Variants in LARGE1 observed in about 807,000 individuals in gnomAD.
LARGE1 encodes LARGE xylosyl- and glucuronyltransferase 1.
LARGE1 carries 43 observed loss-of-function variants against 87.6 expected under a neutral mutation model. The ratio of observed to expected loss-of-function variants is 0.49; its 90% CI spans 0.38 to 0.63. LARGE1 has a LOEUF of 0.63. Among genes scored for constraint, LARGE1 ranks in the 30% least tolerant of loss-of-function variants. The pLI, the probability that LARGE1 is intolerant of heterozygous loss-of-function variation, is 0.00. For missense variants in LARGE1, 802 were observed against 1,000.2 expected (o/e 0.80, Z 2.67); for synonymous variants, 434 against 394.6 (o/e 1.10, Z -1.18).
chr22:33,283,404 T>G, intron 12 of LARGE1, 56 bp from the exon 13 acceptor site: 1 of 1,602,252 alleles, frequency 6.2e-7, no homozygotes, highest in Non-Finnish European at 8.6e-7. Flanking sequence ...GGCCAAGGTC[T>G]TTCCCCCATG....
intron 2 of LARGE1, chr22:33,725,037 G>C (rs901187668): frequency 6.5e-6 from 1 of 152,974 alleles, no homozygotes; most frequent in African/African-American, 2.4e-5. Flanking sequence ...GGGATCCATG[G>C]AAAGAGCATT....
At position 33,224,267 on chromosome 22, in the gene LARGE1, A is replaced by G. The variant is rs578066753; in HGVS notation, c.1731-57435T>C. ...GGTGACAGAGCAAGACTCTGTCTCAAAAGAAAAAGAAAAGAAAAAAGAAAA... is the reference window on the plus strand; with the variant it reads ...GGTGACAGAGCAAGACTCTGTCTCAGAAGAAAAAGAAAAGAAAAAAGAAAA... On this transcript the variant is annotated intron_variant, in intron 11 of 11. Coordinates refer to the LARGE1 transcript ENST00000608642. Among the ~76,000 whole-genome samples the G allele has an allele frequency of 2.5e-4, 38 of 152,014 alleles. 2 individuals are homozygous for G. In the South Asian group the frequency reaches 7.7e-3, roughly 31 times the overall value.
chr22:33,501,216 T>C (rs1444112167), intron 6 of LARGE1, among the ~76,000 whole-genome samples: 1 of 152,224 alleles, frequency 6.6e-6, no homozygotes, highest in Non-Finnish European at 1.5e-5. Context: ...GAAGCTAATG[T>C]AGCTTTTCTT....
intron 3 of LARGE1, among the ~76,000 whole-genome samples, chr22:33,645,819 G>C (rs941870603): frequency 6.6e-6 from 1 of 152,062 alleles, no homozygotes; most frequent in Non-Finnish European, 1.5e-5. Flanking sequence ...ACACTTATAC[G>C]GCCAACAAAC....
At chr22:33,211,188 TC>T (rs1602098179) in intron 11 of LARGE1, among the ~76,000 whole-genome samples, 2 of 152,312 alleles carry the variant, frequency 1.3e-5, no homozygotes, top group Admixed American at 6.5e-5. Flanking sequence ...GAGAACTTAA[TC>T]TATAAATGTT....
At chr22:33,188,883 T>C (rs768530975) in intron 11 of LARGE1, among the ~76,000 whole-genome samples, 1 of 152,088 alleles carries the variant, frequency 6.6e-6, no homozygotes, top group Non-Finnish European at 1.5e-5. Flanking sequence ...CAAGGGCATC[T>C]CTCTATTGCC....
intron 4 of LARGE1, among the ~76,000 whole-genome samples, chr22:33,624,930 C>T (rs1459588987): frequency 6.6e-6 from 1 of 152,194 alleles, no homozygotes; most frequent in African/African-American, 2.4e-5. Context: ...TCGCAAAGCA[C>T]TGACTGCAGA....
chr22:33,364,884 G>A (rs1028773167), intron 9 of LARGE1, among the ~76,000 whole-genome samples: 21 of 151,740 alleles, frequency 1.4e-4, no homozygotes, highest in Admixed American at 1.4e-3. Context: ...TTGTAGAGAC[G>A]GGGGTCTTAC....
At chr22:33,187,921 CAAAAAAAAAAAAAAAAAAAAA>C (rs578115819) in intron 11 of LARGE1, among the ~76,000 whole-genome samples, 1,303 of 36,872 alleles carry the variant, frequency 0.035, 34 homozygotes, top group African/African-American at 0.09. Flanking sequence ...GACTCCGTCT[CAAAAAAAAAAAAAAAAAAAAA>C]AAAAAAAAAA....
chr22:33,481,585 T>C (rs1279133690), intron 6 of LARGE1, among the ~76,000 whole-genome samples: 1 of 152,160 alleles, frequency 6.6e-6, no homozygotes, highest in Non-Finnish European at 1.5e-5. Flanking sequence ...ACAGTACCAG[T>C]AAAGCCATAC....
Position 33,690,964 on chromosome 22 carries a change from G to A in LARGE1, c.107-40296C>T, listed in dbSNP as rs894288333. Among the ~76,000 whole-genome samples, 8 of 152,222 alleles carry A rather than the reference G, an allele frequency of 5.3e-5. No homozygotes were observed. The East Asian group carries it at 7.7e-4, about 15-fold the overall frequency. ...GCGCTCATGTGGACCCTGCCATGGCGCCTCCACAACAAGCCTGCCAGTTAT... is the reference window on the plus strand; with the variant it reads ...GCGCTCATGTGGACCCTGCCATGGCACCTCCACAACAAGCCTGCCAGTTAT... On this transcript the variant is annotated intron_variant, in intron 2 of 14. Transcript: ENST00000397394.
intron 6 of LARGE1, among the ~76,000 whole-genome samples, chr22:33,441,809 T>C (rs908400207): frequency 2.6e-5 from 4 of 152,224 alleles, no homozygotes; most frequent in Non-Finnish European, 5.9e-5. Context: ...AAATGGTATC[T>C]ATTTCATAGG....
chr22:33,547,919 A>T (rs897764120), intron 6 of LARGE1, among the ~76,000 whole-genome samples: 1 of 151,820 alleles, frequency 6.6e-6, no homozygotes, highest in African/African-American at 2.4e-5. Flanking sequence ...ATTTTTCTGT[A>T]ATCTAAAACT....
At chr22:33,480,838 T>G (rs771321763) in intron 6 of LARGE1, among the ~76,000 whole-genome samples, 4 of 152,210 alleles carry the variant, frequency 2.6e-5, no homozygotes, top group Non-Finnish European at 4.4e-5. Context: ...CTATATAACC[T>G]ACTTACTCTT....
the LARGE1 span, among the ~76,000 whole-genome samples, chr22:33,129,055 G>T: frequency 2.6e-5 from 4 of 152,184 alleles, no homozygotes; most frequent in Admixed American, 2.6e-4. Flanking sequence ...TAGCAAGCCT[G>T]CATATCCTGC....
chr22:33,785,012 T>C (rs538345042), intron 1 of LARGE1, among the ~76,000 whole-genome samples: 74 of 150,826 alleles, frequency 4.9e-4, no homozygotes, highest in Non-Finnish European at 8.7e-4. Flanking sequence ...CATATATGTG[T>C]ATACATACAT....
intron 1 of LARGE1, among the ~76,000 whole-genome samples, chr22:33,901,180 C>T (rs1198517518): frequency 6.6e-6 from 1 of 152,050 alleles, no homozygotes; most frequent in Non-Finnish European, 1.5e-5. Flanking sequence ...CCAGGAATTG[C>T]CAGCAATCAC....
intron 6 of LARGE1, among the ~76,000 whole-genome samples, chr22:33,543,721 ATGT>A (rs1365664864): frequency 2.0e-5 from 3 of 152,234 alleles, no homozygotes; most frequent in Admixed American, 6.5e-5. Context: ...CTCCAACACA[ATGT>A]AATCTAAAAT....
At chr22:33,691,472 C>T (rs1054309552) in intron 2 of LARGE1, among the ~76,000 whole-genome samples, 10 of 152,134 alleles carry the variant, frequency 6.6e-5, no homozygotes, top group Admixed American at 1.3e-4. Flanking sequence ...GCTCATTTCT[C>T]ACCAGCAAAT....
Sources: allele counts gnomAD v4.1 joint callset (sites outside exome capture counted in the v4.1 genomes callset), GRCh38; gene constraint gnomAD v4.1.1; transcripts MANE v1.5; gene names NCBI Gene and HGNC (gene_info 2026-07-23, HGNC 2026-07-21).